The following ITPR2 variants were observed in gnomAD, a reference collection of about 807,000 sequenced individuals.
ITPR2 encodes inositol 1,4,5-trisphosphate-gated calcium channel ITPR2.
A neutral mutation model predicts 317.1 loss-of-function variants in ITPR2; 207 were observed. The observed-to-expected ratio is 0.65, with a 90% confidence interval of 0.58 to 0.73. ITPR2 has a LOEUF of 0.73. Ranked by LOEUF, ITPR2 falls within the 30% of genes least tolerant of loss-of-function variation. The pLI is 0.00. For missense variants in ITPR2, 2,613 were observed against 3,284.0 expected, an observed-to-expected ratio of 0.80 and a Z score of 4.99; for synonymous variants, 1,156 against 1,149.1, an observed-to-expected ratio of 1.01 and a Z score of -0.12.
At chr12:26,802,469 G>A (rs1383947448) in intron 1 of ITPR2, among the ~76,000 whole-genome samples, 1 of 151,800 alleles carries the variant, frequency 6.6e-6, no homozygotes, top group Non-Finnish European at 1.5e-5. Flanking sequence ...GCCACATAGT[G>A]AGACTCTGTC....
At chr12:26,480,220 C>T (rs1942515395) in intron 43 of ITPR2, among the ~76,000 whole-genome samples, 1 of 152,080 alleles carries the variant, frequency 6.6e-6, no homozygotes, top group Non-Finnish European at 1.5e-5. Flanking sequence ...AATATCATGC[C>T]TTAGTATTTG....
chr12:26,832,302 G>A (rs973524718), intron 1 of ITPR2, among the ~76,000 whole-genome samples: 8 of 152,256 alleles, frequency 5.3e-5, no homozygotes, highest in African/African-American at 1.9e-4. Flanking sequence ...AGGGGCTGAG[G>A]ACGGTAGCGA....
intron 13 of ITPR2, among the ~76,000 whole-genome samples, chr12:26,669,865 G>A (rs1388338135): frequency 2.6e-5 from 4 of 152,236 alleles, no homozygotes; most frequent in East Asian, 1.9e-4. Context: ...CTTTTCCGAC[G>A]GGCTTAAAAA....
In ITPR2 at chr12:26,823,077, G is replaced by A. The variant is rs567558822; in HGVS notation, c.92+9613C>T. On this transcript the variant is annotated intron_variant, in intron 1 of 56. Coordinates refer to ENST00000381340, the MANE Select transcript of ITPR2 (RefSeq NM_002223.4). ...GCGAAAATGCCACCTCCTCCTTGAAGCTCCCGCCAGGTCATCCCAATCAGG... is the reference window on the plus strand; with the variant it reads ...GCGAAAATGCCACCTCCTCCTTGAAACTCCCGCCAGGTCATCCCAATCAGG... Among the ~76,000 whole-genome samples the A allele has an allele frequency of 2.6e-5, 4 of 152,126 alleles. No homozygotes were observed. The South Asian group carries it at 8.3e-4, about 32-fold the overall frequency.
At chr12:26,669,845 G>C (rs572641890) in intron 13 of ITPR2, among the ~76,000 whole-genome samples, 16 of 152,232 alleles carry the variant, frequency 1.1e-4, no homozygotes, top group Non-Finnish European at 1.9e-4. Context: ...ACTCCCACCC[G>C]AGTACTGCGC....
intron 36 of ITPR2, 119 bp from the exon 37 acceptor site, chr12:26,550,474 G>C (rs1565597156): frequency 1.7e-6 from 1 of 597,784 alleles, no homozygotes. Context: ...AAGCAAACCA[G>C]GTACATGTTT....
At chr12:26,418,899 T>C in intron 50 of ITPR2, 150 bp downstream of exon 50, 2 of 627,418 alleles carry the variant, frequency 3.2e-6, no homozygotes, top group Non-Finnish European at 4.9e-6. Context: ...ATGATAATAA[T>C]TCACGCTTTT....
At chr12:26,474,193 A>G (rs1942357434) in intron 45 of ITPR2, among the ~76,000 whole-genome samples, 1 of 152,228 alleles carries the variant, frequency 6.6e-6, no homozygotes, top group African/African-American at 2.4e-5. Flanking sequence ...CTTTATATCT[A>G]TCAATGTTTA....
intron 5 of ITPR2, 128 bp from the exon 6 acceptor site, chr12:26,716,370 A>C: frequency 1.7e-6 from 1 of 594,298 alleles, no homozygotes; most frequent in Non-Finnish European, 3.0e-6. Flanking sequence ...CCTTCACACA[A>C]ATTTTCATAC....
At chr12:26,806,852 C>T (rs1393467410) in intron 1 of ITPR2, among the ~76,000 whole-genome samples, 1 of 152,162 alleles carries the variant, frequency 6.6e-6, no homozygotes, top group African/African-American at 2.4e-5. Context: ...TTGCAACCAT[C>T]TTAATTTATC....
At chr12:26,667,532 C>T (rs3782304) in intron 13 of ITPR2, among the ~76,000 whole-genome samples, 12,789 of 152,184 alleles carry the variant, frequency 0.084, 598 homozygotes, top group Middle Eastern at 0.15. Flanking sequence ...ACGTAAAACC[C>T]GTTTCATGTG....
intron 45 of ITPR2, among the ~76,000 whole-genome samples, chr12:26,457,214 A>C (rs73085206): frequency 0.047 from 7,099 of 152,282 alleles, 330 homozygotes; most frequent in African/African-American, 0.12. Flanking sequence ...TTTTAAATCA[A>C]ATGGTTAGAG....
chr12:26,805,246 A>C (rs1565779348), intron 1 of ITPR2, among the ~76,000 whole-genome samples: 1 of 152,250 alleles, frequency 6.6e-6, no homozygotes, highest in Non-Finnish European at 1.5e-5. Flanking sequence ...TCTCTGGCCT[A>C]ACTACAAAAT....
intron 34 of ITPR2, among the ~76,000 whole-genome samples, chr12:26,565,178 G>C (rs1410399289): frequency 6.6e-6 from 1 of 152,022 alleles, no homozygotes; most frequent in Non-Finnish European, 1.5e-5. Flanking sequence ...TCTAAAAAAA[G>C]AGCAAATAAT....
chr12:26,669,059 C>T (rs1008563442), intron 13 of ITPR2, among the ~76,000 whole-genome samples: 3 of 151,998 alleles, frequency 2.0e-5, no homozygotes, highest in Non-Finnish European at 4.4e-5. Context: ...GTCAAGGCTG[C>T]AGTGAGCTGT....
In ITPR2 at chr12:26,460,318, C is replaced by T. The variant is rs76826625; in HGVS notation, c.6342+14978G>A. Reference sequence around the variant, plus strand: ...GACTCCAGATTCTCACATGGCCTTACGGGGACAAGAAGTGCACGCCCATGG... The same window carrying T: ...GACTCCAGATTCTCACATGGCCTTATGGGGACAAGAAGTGCACGCCCATGG... On this transcript the variant is annotated intron_variant, in intron 45 of 56. Transcript: ENST00000381340. Among the ~76,000 whole-genome samples, 147 of 152,310 alleles carry T rather than the reference C, an allele frequency of 9.7e-4. 3 individuals are homozygous for T. In the East Asian group the frequency reaches 0.025, roughly 26 times the overall value.
At chr12:26,504,955 C>T (rs1414503934) in intron 37 of ITPR2, among the ~76,000 whole-genome samples, 1 of 151,686 alleles carries the variant, frequency 6.6e-6, no homozygotes, top group Non-Finnish European at 1.5e-5. Flanking sequence ...AGAATGATGA[C>T]AGGGAAAAAA....
intron 22 of ITPR2, among the ~76,000 whole-genome samples, chr12:26,631,049 C>T (rs1946740829): frequency 6.6e-6 from 1 of 152,052 alleles, no homozygotes; most frequent in Non-Finnish European, 1.5e-5. Flanking sequence ...GACTACTAAC[C>T]CACTTCTGGT....
intron 10 of ITPR2, among the ~76,000 whole-genome samples, chr12:26,687,628 T>C (rs999277162): frequency 1.3e-5 from 2 of 152,090 alleles, no homozygotes; most frequent in African/African-American, 4.8e-5. Flanking sequence ...CTCCCAGAGA[T>C]TGTTAATATC....
Sources: gnomAD v4.1 joint callset for allele counts (sites outside exome capture counted in the v4.1 genomes callset) on GRCh38, gnomAD v4.1.1 for gene constraint, MANE v1.5 for transcripts, NCBI Gene and HGNC (gene_info 2026-07-23, HGNC 2026-07-21) for gene names.